FRMD8: variants seen among roughly 807,000 people sequenced by gnomAD.
FRMD8 encodes the protein FERM domain containing 8, also known as FERM domain-containing protein 8.
FRMD8 carries 37 observed loss-of-function variants against 54.2 expected under a neutral mutation model. The ratio of observed to expected loss-of-function variants is 0.68; its 90% CI spans 0.53 to 0.90. The LOEUF is 0.90. Ranked by LOEUF, FRMD8 falls within the 40% of genes least tolerant of loss-of-function variation. FRMD8 has a pLI of 0.00. For missense variants in FRMD8, 585 were observed against 653.7 expected, an observed-to-expected ratio of 0.89 and a Z score of 1.15; for synonymous variants, 246 against 286.9, an observed-to-expected ratio of 0.86 and a Z score of 1.44.
At chr11:65,379,296 C>A in the FRMD8 span, 2 of 1,527,250 alleles carry the variant, frequency 1.3e-6, no homozygotes, top group South Asian at 1.2e-5. Flanking sequence ...AGCTGTGGGT[C>A]GCCAGGGCAG....
In FRMD8 at chr11:65,394,114, C is replaced by T. The variant is rs1194379689; in HGVS notation, c.414+15C>T. On this transcript the variant is annotated intron_variant, in intron 5 of 10. Transcript: ENST00000317568. ...GGGAGCTCCAGGTGAGGCAGGAGCC[C>T]TGGTGGCCCCACCAGGCCTGGCCCC... The T allele has an allele frequency of 1.2e-6, 2 of 1,613,306 alleles. No homozygotes were observed. The highest frequency in any genetic ancestry group is 2.2e-5 in the East Asian group (1 of 44,856).
the FRMD8 span, chr11:65,379,427 C>T: frequency 3.2e-5 from 51 of 1,612,854 alleles, no homozygotes; most frequent in East Asian, 1.8e-4. Context: ...TGTAGCTGGG[C>T]GGCTGGGCCC....
chr11:65,370,781 G>A, the FRMD8 span, among the ~76,000 whole-genome samples: 270 of 151,118 alleles, frequency 1.8e-3, 2 homozygotes, highest in African/African-American at 6.4e-3. Context: ...AGAGGGAGTC[G>A]AGGCCAGATG....
chr11:65,400,553 C>T lies in FRMD8; in HGVS notation c.928-171C>T, dbSNP rs1856052241. 6.6e-6 allele frequency among the ~76,000 whole-genome samples: 1 copy of T among 152,180 alleles called. No homozygotes were observed. Among genetic ancestry groups the T allele is most frequent in the African/African-American group, 2.4e-5 (1 of 41,444 alleles). On this transcript the variant is annotated intron_variant, in intron 8 of 10. Transcript: ENST00000317568. The surrounding 1 kb of genome is among the most constrained non-coding windows in gnomAD (Gnocchi z 4.3). Reference sequence around the variant, plus strand: ...GATCTCAGCTTCCCTGGACCACAGCCCCTGGCAGGCTCTGATGAAAGCTGA... The same window carrying T: ...GATCTCAGCTTCCCTGGACCACAGCTCCTGGCAGGCTCTGATGAAAGCTGA...
In FRMD8 at chr11:65,394,291, T is replaced by C; in HGVS notation, c.447T>C (p.Tyr149=). The change falls in exon 6 of 11, where the codon TAT becomes TAC. Residue 149 remains tyrosine (Y), a synonymous_variant. Transcript: ENST00000317568. ...ACGAGGAGGTCCTGCGGCTGCTCTA[T>C]GAGGAGGCCAAGGGCAACGTGCTGG... The part of the protein sequence containing the change: ...IHDEEVLRLL[Y]EEAKGNVLAA... The C allele has an allele frequency of 1.3e-6, 2 of 1,596,956 alleles. No homozygotes were observed. The highest frequency in any genetic ancestry group is 3.5e-5 in the Admixed American group (2 of 57,660).
Position 65,394,267 on chromosome 11 carries a change from C to T in FRMD8, c.423C>T (p.Asp141=), listed in dbSNP as rs760459527. 3.9e-5 allele frequency: 62 copies of T among 1,600,030 alleles called. No individual in the cohort carries two copies. The Middle Eastern group carries it at 1.2e-3, about 30-fold the overall frequency. The part of the protein sequence containing the change: ...FPKRRELQIH[D]EEVLRLLYEE... The stretch of plus-strand genomic sequence containing the variant: ...GCCACACCCCCCTGCAGATCCATGA[C>T]GAGGAGGTCCTGCGGCTGCTCTATG... Residue 141 remains aspartate (D), a synonymous_variant, in exon 6 of 11, where the codon GAC becomes GAT. Coordinates refer to ENST00000317568, the MANE Select transcript of FRMD8 (RefSeq NM_031904.5).
chr11:65,382,587 A>T (rs1236922725), upstream of FRMD8: 1 of 154,948 alleles, frequency 6.5e-6, no homozygotes, highest in African/African-American at 2.4e-5. This position sits in a 1 kb window ranked among gnomAD's most constrained non-coding sequence, Gnocchi z 4.4. Context: ...CAGGGGAAAG[A>T]TAGGGGTTTT....
At chr11:65,386,347 G>T (rs994268168), upstream of FRMD8, among the ~76,000 whole-genome samples, 1 of 152,210 alleles carries the variant, frequency 6.6e-6, no homozygotes, top group Non-Finnish European at 1.5e-5. Context: ...GAACTAGCCC[G>T]AAGACCCAGC....
chr11:65,380,059 C>T, the FRMD8 span: 41 of 1,580,788 alleles, frequency 2.6e-5, no homozygotes, highest in Non-Finnish European at 3.5e-5. Context: ...ATTAGCCAGG[C>T]CTGATCTCAG....
At chr11:65,409,110 C>T (rs930349253) in intron 10 of FRMD8, among the ~76,000 whole-genome samples, 17 of 150,356 alleles carry the variant, frequency 1.1e-4, no homozygotes, top group African/African-American at 3.9e-4. Context: ...TTTTTTGAGA[C>T]AGTCTTGCTC....
chr11:65,386,679 C>G lies in FRMD8; in HGVS notation c.-83C>G, dbSNP rs1373471823. 7.2e-6 allele frequency: 2 copies of G among 277,382 alleles called. No homozygotes were observed. The highest frequency in any genetic ancestry group is 1.4e-5 in the Non-Finnish European group (2 of 147,788). The allele number at this position is 277,382 out of a possible 1,614,324, so 17.2% of individuals were successfully genotyped here. A position where few individuals can be genotyped will look rare whatever the true frequency, so the allele number is the denominator to read the frequency against. On this transcript the variant is annotated 5_prime_UTR_variant, in exon 1 of 11. Coordinates refer to ENST00000317568, the MANE Select transcript of FRMD8 (RefSeq NM_031904.5). ...TGCGTCCTTAGCGGGAGCCCGAGTG[C>G]GGGCGGTGGCGGGCTTGGCGGCGGG...
chr11:65,380,491 C>G, the FRMD8 span: 1 of 1,369,480 alleles, frequency 7.3e-7, no homozygotes, highest in South Asian at 1.3e-5. Flanking sequence ...TATCCCACCG[C>G]CTATGAGCCG....
the FRMD8 span, chr11:65,381,602 C>G: frequency 1.8e-5 from 2 of 111,558 alleles, no homozygotes; most frequent in Non-Finnish European, 3.3e-5. Flanking sequence ...GGGTCTCATT[C>G]TGTCACCCAG....
Position 65,394,401 on chromosome 11 carries a change from G to A in FRMD8, c.557G>A (p.Gly186Asp). ...GTGCAGCTTGGGCCCTACCAGCCCGGCCGGCCGGCAGCCTGCGACCTGAGG... is the reference window on the plus strand; with the variant it reads ...GTGCAGCTTGGGCCCTACCAGCCCGACCGGCCGGCAGCCTGCGACCTGAGG... ...CRVQLGPYQP[G>D]RPAACDLREK... is the part of the protein sequence containing the mutation. Residue 186 changes from glycine to aspartate, a missense_variant, in exon 6 of 11, where the codon GGC (glycine) becomes GAC (aspartate). By Grantham distance (94) the Gly-to-Asp change is moderately conservative. Transcript: ENST00000317568. 1 of 1,569,708 alleles carries A rather than the reference G, an allele frequency of 6.4e-7. No homozygotes were observed.
chr11:65,389,526 TG>T lies in FRMD8; in HGVS notation c.253+1del. The T allele has an allele frequency of 6.3e-7, 1 of 1,576,940 alleles. No individual in the cohort carries two copies. ...VFALWLVSPL[L>X]EVQLKPKHQP... ...GCGCTCTGGCTGGTCTCCCCTCTGC[TG>T]GGTAAGGCTTGGCAGTGAGGAGCCC... On this transcript the variant is annotated frameshift_variant and splice_region_variant, in exon 3 of 11. Coordinates refer to ENST00000317568, the MANE Select transcript of FRMD8 (RefSeq NM_031904.5). LOFTEE classifies it high-confidence loss of function.
chr11:65,370,639 G>C, the FRMD8 span, among the ~76,000 whole-genome samples: 1 of 151,802 alleles, frequency 6.6e-6, no homozygotes, highest in African/African-American at 2.4e-5. Context: ...AGCAGACATC[G>C]CAGTGACCCG....
chr11:65,392,851 C>T (rs944246944), intron 3 of FRMD8, among the ~76,000 whole-genome samples: 5 of 152,062 alleles, frequency 3.3e-5, no homozygotes, highest in East Asian at 1.9e-4. Context: ...GAAGGTGGCC[C>T]TTGAACTTAG....
rs544586360 is a variant in FRMD8 at position 65,397,479 on chromosome 11, G to A, written c.803+459G>A. On this transcript the variant is annotated intron_variant, in intron 7 of 10. Coordinates refer to ENST00000317568, the MANE Select transcript of FRMD8 (RefSeq NM_031904.5). ...AGCCTGTCATTGGGCACAGGCGGCA[G>A]CCAGGAGACCAGAGGATGGGGTGTG... Among the ~76,000 whole-genome samples, 4 of 152,366 alleles carry A rather than the reference G, an allele frequency of 2.6e-5. No homozygotes were observed. In the East Asian group the frequency reaches 7.7e-4, roughly 29 times the overall value.
rs780162209 is a variant in FRMD8 at position 65,389,445 on chromosome 11, T to G, written c.170T>G (p.Leu57Arg). 3 of 1,609,882 alleles carry G rather than the reference T, an allele frequency of 1.9e-6. No homozygotes were observed. The highest frequency in any genetic ancestry group is 1.1e-5 in the South Asian group (1 of 91,086). ...ENLPSLSAHE[L>R]HRAVREVLQL... is the part of the protein sequence containing the mutation. The stretch of plus-strand genomic sequence containing the variant: ...CTGCCCTCGCTCAGTGCCCATGAGC[T>G]GCACCGCGCTGTCCGCGAGGTCCTG... The change falls in exon 3 of 11, where the codon CTG (leucine) becomes CGG (arginine). Residue 57 changes from leucine to arginine, a missense_variant. Physicochemically the swap from Leu to Arg is moderately radical, Grantham distance 102. Coordinates refer to ENST00000317568, the MANE Select transcript of FRMD8 (RefSeq NM_031904.5).
Sources: allele counts gnomAD v4.1 joint callset (sites outside exome capture counted in the v4.1 genomes callset), GRCh38; gene constraint gnomAD v4.1.1; non-coding constraint Gnocchi (gnomAD v3.1); transcripts MANE v1.5; gene names NCBI Gene and HGNC (gene_info 2026-07-23, HGNC 2026-07-21).